The following GTF2F2 variants were observed in gnomAD, a reference collection of about 807,000 sequenced individuals.
GTF2F2 encodes the protein general transcription factor IIF subunit 2, also known as ATP-dependent helicase GTF2F2.
GTF2F2 carries 23 observed loss-of-function variants against 42.2 expected under a neutral mutation model. That is an observed-to-expected ratio of 0.55 (90% CI 0.39 to 0.77). The LOEUF is 0.77. GTF2F2 is among the 30% of genes least tolerant of loss of function. GTF2F2 has a pLI of 0.00. For synonymous variants in GTF2F2, 105 were observed against 100.8 expected (o/e 1.04, Z -0.25); for missense variants, 261 against 287.2 (o/e 0.91, Z 0.66).
chr13:45,212,483 C>CTT (rs1172188221), intron 5 of GTF2F2, among the ~76,000 whole-genome samples: 1 of 100,092 alleles, frequency 1.0e-5, no homozygotes, highest in Admixed American at 9.5e-5. Context: ...TTCTTTCTTT[C>CTT]TTTCTTTCTT....
intron 1 of GTF2F2, among the ~76,000 whole-genome samples, chr13:45,132,523 A>G (rs1869416278): frequency 6.6e-6 from 1 of 152,120 alleles, no homozygotes; most frequent in Non-Finnish European, 1.5e-5. Flanking sequence ...TGAGAAAGCA[A>G]TGAGAGAAGA....
intron 1 of GTF2F2, among the ~76,000 whole-genome samples, chr13:45,132,345 C>CGTG (rs1763583697): frequency 6.6e-6 from 1 of 151,768 alleles, no homozygotes; most frequent in African/African-American, 2.4e-5. Context: ...TCCAAGCTTA[C>CGTG]GTGGTTGGTA....
At chr13:45,172,167 A>G (rs1341258294) in intron 4 of GTF2F2, among the ~76,000 whole-genome samples, 2 of 152,130 alleles carry the variant, frequency 1.3e-5, no homozygotes, top group African/African-American at 4.8e-5. Context: ...ATCCCCACCA[A>G]CACTTGTTAT....
chr13:45,233,204 G>A (rs755441556), intron 5 of GTF2F2, among the ~76,000 whole-genome samples: 1 of 152,092 alleles, frequency 6.6e-6, no homozygotes, highest in African/African-American at 2.4e-5. Flanking sequence ...TTGTGCCTGC[G>A]AAAAGCCACT....
intron 1 of GTF2F2, among the ~76,000 whole-genome samples, chr13:45,131,492 G>C (rs900919007): frequency 2.6e-5 from 4 of 152,198 alleles, no homozygotes; most frequent in Non-Finnish European, 5.9e-5. Context: ...ATAACCCTGT[G>C]ATCAGTTTCA....
intron 6 of GTF2F2, among the ~76,000 whole-genome samples, chr13:45,255,735 C>T (rs1348018642): frequency 6.6e-6 from 1 of 152,072 alleles, no homozygotes; most frequent in East Asian, 1.9e-4. Context: ...GCCTTTCTTC[C>T]TCATTGGTGT....
intron 4 of GTF2F2, among the ~76,000 whole-genome samples, chr13:45,205,621 G>A (rs1017099819): frequency 6.6e-6 from 1 of 152,166 alleles, no homozygotes; most frequent in Admixed American, 6.5e-5. Context: ...CTGGGTTCAA[G>A]CGATTCCCTT....
chr13:45,276,582 G>A (rs774140995), intron 7 of GTF2F2, among the ~76,000 whole-genome samples: 1 of 152,026 alleles, frequency 6.6e-6, no homozygotes, highest in South Asian at 2.1e-4. Flanking sequence ...GACTACAGGT[G>A]CCTGACACCA....
chr13:45,256,957 G>T (rs898042698), intron 6 of GTF2F2, among the ~76,000 whole-genome samples: 25 of 152,070 alleles, frequency 1.6e-4, no homozygotes, highest in Middle Eastern at 3.2e-3. Context: ...AAGTGAAAGA[G>T]GGACTGGGAA....
chr13:45,133,325 A>G (rs952618805), intron 1 of GTF2F2, among the ~76,000 whole-genome samples: 3 of 152,138 alleles, frequency 2.0e-5, no homozygotes, highest in Non-Finnish European at 4.4e-5. Flanking sequence ...ATAAAATTAA[A>G]AAGAGAAATA....
intron 4 of GTF2F2, among the ~76,000 whole-genome samples, chr13:45,161,033 C>T (rs1486008220): frequency 6.6e-6 from 1 of 152,264 alleles, no homozygotes; most frequent in East Asian, 1.9e-4. Flanking sequence ...AGGATGCATA[C>T]TCAAGGGTTG....
chr13:45,227,681 T>G (rs914469128), intron 5 of GTF2F2, among the ~76,000 whole-genome samples: 1 of 152,228 alleles, frequency 6.6e-6, no homozygotes, highest in Admixed American at 6.5e-5. Flanking sequence ...GTTAACATAG[T>G]CCCTGATAGG....
intron 1 of GTF2F2, among the ~76,000 whole-genome samples, chr13:45,133,445 T>C (rs933400799): frequency 1.3e-5 from 2 of 152,174 alleles, no homozygotes; most frequent in Non-Finnish European, 2.9e-5. Flanking sequence ...CACAAAGGAA[T>C]GTGCTCTGGA....
intron 4 of GTF2F2, chr13:45,194,305 T>C (rs1389305568): frequency 6.2e-7 from 1 of 1,614,050 alleles, no homozygotes; most frequent in Non-Finnish European, 8.5e-7. Flanking sequence ...GTTTAGGACA[T>C]GCCTGAAGAG....
intron 4 of GTF2F2, among the ~76,000 whole-genome samples, chr13:45,163,799 TAC>T (rs879855028): frequency 6.6e-6 from 1 of 152,182 alleles, no homozygotes; most frequent in African/African-American, 2.4e-5. Flanking sequence ...AGTATAGCAT[TAC>T]ATTATAAAAA....
chr13:45,273,318 C>T (rs968641500), intron 7 of GTF2F2, among the ~76,000 whole-genome samples: 2 of 151,922 alleles, frequency 1.3e-5, no homozygotes, highest in Admixed American at 6.6e-5. Flanking sequence ...TCAAGCAGTC[C>T]TCCTGCCTCA....
At chr13:45,120,978 A>T (rs943557462) in intron 1 of GTF2F2, among the ~76,000 whole-genome samples, 1 of 152,120 alleles carries the variant, frequency 6.6e-6, no homozygotes, top group Non-Finnish European at 1.5e-5. Context: ...CTTTCCTGGA[A>T]TCTTGTCTTG....
chr13:45,207,149 TA>T (rs1418172986), intron 4 of GTF2F2: 8 of 319,974 alleles, frequency 2.5e-5, no homozygotes, highest in African/African-American at 1.7e-4. Context: ...CCTTTTAAGC[TA>T]CCTTATTTAG....
chr13:45,259,315 A>G (rs974089619), intron 6 of GTF2F2, among the ~76,000 whole-genome samples: 2 of 152,174 alleles, frequency 1.3e-5, no homozygotes, highest in Admixed American at 6.5e-5. Flanking sequence ...AATCCCAGCT[A>G]CTTGGGAGGC....
Sources: allele counts gnomAD v4.1 joint callset (sites outside exome capture counted in the v4.1 genomes callset), GRCh38; gene constraint gnomAD v4.1.1; transcripts MANE v1.5; gene names NCBI Gene and HGNC (gene_info 2026-07-23, HGNC 2026-07-21).